GTF3C1: variants seen among roughly 807,000 people sequenced by gnomAD.
The protein encoded by GTF3C1 is general transcription factor IIIC subunit 1.
GTF3C1 carries 57 observed loss-of-function variants against 226.7 expected under a neutral mutation model. The ratio of observed to expected loss-of-function variants is 0.25; its 90% CI spans 0.20 to 0.31. The LOEUF is 0.31. GTF3C1 is among the 10% of genes least tolerant of loss of function. The probability of loss-of-function intolerance (pLI) is 1.00; values close to 1 mark genes in which losing one functional copy is unlikely to be tolerated. For missense variants in GTF3C1, 2,217 were observed against 2,776.1 expected (o/e 0.80, Z 4.53); for synonymous variants, 1,090 against 1,084.8 (o/e 1.00, Z -0.09).
At chr16:27,476,732 A>G (rs1199139424) in intron 28 of GTF3C1, among the ~76,000 whole-genome samples, 188 bp from the exon 29 acceptor site, 1 of 152,248 alleles carries the variant, frequency 6.6e-6, no homozygotes, top group Non-Finnish European at 1.5e-5. Flanking sequence ...GCAGGAGAAA[A>G]GTTTCTTTTA....
intron 7 of GTF3C1, among the ~76,000 whole-genome samples, chr16:27,509,931 T>C (rs1411064558): frequency 6.6e-6 from 1 of 151,880 alleles, no homozygotes; most frequent in Non-Finnish European, 1.5e-5. Context: ...CCTATACTGA[T>C]CTAGCAACAC....
intron 32 of GTF3C1, chr16:27,465,822 G>C (rs1251923913): frequency 2.2e-6 from 1 of 463,804 alleles, no homozygotes; most frequent in African/African-American, 2.0e-5. Flanking sequence ...GAAGGGCACA[G>C]AGGCCGAGGA....
Position 27,470,169 on chromosome 16 carries a change from T to C in GTF3C1, c.4753A>G (p.Arg1585Gly). The change falls in exon 31 of 37, where the codon AGG (arginine) becomes GGG (glycine). Residue 1585 changes from arginine (R) to glycine (G), a missense_variant. By Grantham distance (125) the Arg-to-Gly change is moderately radical. Coordinates refer to ENST00000356183, the MANE Select transcript of GTF3C1 (RefSeq NM_001520.4). This position sits in a 1 kb window ranked among gnomAD's most constrained non-coding sequence, Gnocchi z 4.9. ...ACCACGATGATCTGCTCCGGGATCCTGACATCCACAGAAATGAGGCCCAGA... is the reference window on the plus strand; with the variant it reads ...ACCACGATGATCTGCTCCGGGATCCCGACATCCACAGAAATGAGGCCCAGA... ...FSLGLISVDV[R>G]IPEQIIVVDS... The C allele has an allele frequency of 6.2e-7, 1 of 1,613,902 alleles. No homozygotes were observed.
At chr16:27,473,655 A>AGGGGACC (rs1201496844) in intron 29 of GTF3C1, among the ~76,000 whole-genome samples, 5 of 151,916 alleles carry the variant, frequency 3.3e-5, no homozygotes, top group South Asian at 2.1e-4. Context: ...GAGGGACACA[A>AGGGGACC]GGGGACCGGG....
Position 27,501,171 on chromosome 16 carries a change from T to C in GTF3C1, c.2061+20A>G. 6.2e-7 allele frequency: 1 copy of C among 1,602,502 alleles called. No homozygotes were observed. The highest frequency in any genetic ancestry group is 8.5e-7 in the Non-Finnish European group (1 of 1,170,504). ...AACAGCACGAGGCTGGCTCTGGGCA[T>C]CGGGGGAGGCCCTGGTTACCTTCTT... On this transcript the variant is annotated intron_variant, in intron 12 of 36. Transcript: ENST00000356183.
chr16:27,483,695 C>T (rs1596623543), intron 25 of GTF3C1, among the ~76,000 whole-genome samples: 1 of 152,196 alleles, frequency 6.6e-6, no homozygotes, highest in Non-Finnish European at 1.5e-5. Flanking sequence ...CCTGGTAAGG[C>T]AAGGGGACTC....
In GTF3C1 at chr16:27,479,602, G is replaced by A. The variant is rs62029077; in HGVS notation, c.4197-1071C>T. On this transcript the variant is annotated intron_variant, in intron 27 of 36. Transcript: ENST00000356183. ...TCCTGCTTCAGCCTCCCAAGTAGCT[G>A]GGATTACAGGCACGTGCCACCACGC... 7.1e-3 allele frequency among the ~76,000 whole-genome samples: 1,077 copies of A among 152,250 alleles called. 15 individuals are homozygous for A. Among genetic ancestry groups the A allele is most frequent in the African/African-American group, 0.024 (985 of 41,536 alleles).
intron 16 of GTF3C1, among the ~76,000 whole-genome samples, chr16:27,493,553 A>G (rs1322175293): frequency 6.6e-6 from 1 of 152,078 alleles, no homozygotes; most frequent in African/African-American, 2.4e-5. Flanking sequence ...AAATTGCTAA[A>G]CCTTTCCCGG....
chr16:27,536,438 A>G (rs2089001928), intron 4 of GTF3C1, among the ~76,000 whole-genome samples: 1 of 152,202 alleles, frequency 6.6e-6, no homozygotes, highest in South Asian at 2.1e-4. Flanking sequence ...CTCTACTAAA[A>G]ATACGAAAAT....
intron 16 of GTF3C1, among the ~76,000 whole-genome samples, chr16:27,494,229 G>A (rs1009515735): frequency 2.0e-5 from 3 of 151,878 alleles, no homozygotes; most frequent in Admixed American, 6.6e-5. Flanking sequence ...GCAAAACCCC[G>A]TCTCTATTAA....
intron 29 of GTF3C1, 94 bp from the exon 30 acceptor site, chr16:27,472,014 A>G: frequency 9.0e-7 from 1 of 1,111,386 alleles, no homozygotes; most frequent in Non-Finnish European, 1.3e-6. Flanking sequence ...CTGATGCTTT[A>G]TAGAGGAAGT....
rs1332583808 is a variant in GTF3C1, at chr16:27,497,497, A to C, written c.2350+140T>G. The C allele has an allele frequency of 7.6e-6, 5 of 659,706 alleles. No homozygotes were observed. In the African/African-American group the frequency reaches 9.1e-5, roughly 12 times the overall value. 40.9% of individuals were successfully genotyped at this position (659,706 alleles called of 1,614,324 possible). A position where few individuals can be genotyped will look rare whatever the true frequency, so the allele number is the denominator to read the frequency against. ...TGGAAGAAGTTATGCGGCCAGAGTA[A>C]CAGGATCCAGCCCACAGCTCAGACG... is the stretch of plus-strand genomic sequence containing the variant. On this transcript the variant is annotated intron_variant, in intron 14 of 36. Coordinates refer to ENST00000356183, the MANE Select transcript of GTF3C1 (RefSeq NM_001520.4).
At position 27,507,067 on chromosome 16, in the gene GTF3C1, T is replaced by C. The variant is rs768326044; in HGVS notation, c.1332A>G (p.Gln444=). 1 of 1,613,740 alleles carries C rather than the reference T, an allele frequency of 6.2e-7. No homozygotes were observed. The highest frequency in any genetic ancestry group is 1.3e-5 in the African/African-American group (1 of 74,992). ...AEESDLSRQY[Q]REKARSELLT... is the part of the protein sequence containing the mutation. ...AGAGCTCGCTGCGGGCCTTCTCTCTTTGGTACTGCCGGCTTAGGTCGCTCT... is the reference window on the plus strand; with the variant it reads ...AGAGCTCGCTGCGGGCCTTCTCTCTCTGGTACTGCCGGCTTAGGTCGCTCT... The change falls in exon 9 of 37, where the codon CAA becomes CAG. Residue 444 remains glutamine (Q), a synonymous_variant. Coordinates refer to ENST00000356183, the MANE Select transcript of GTF3C1 (RefSeq NM_001520.4). The surrounding 1 kb of genome is among the most constrained non-coding windows in gnomAD (Gnocchi z 4.9).
rs188498821 is a variant in GTF3C1, at chr16:27,470,753, C to T, written c.4527-358G>A. On this transcript the variant is annotated intron_variant, in intron 30 of 36. Transcript: ENST00000356183. This position sits in a 1 kb window ranked among gnomAD's most constrained non-coding sequence, Gnocchi z 4.9. ...ACACGCTTTCTGTAATAATAGTCTC[C>T]GCACAAAGCCAGCCCTGGTCTTACA... 4 of 256,766 alleles carry T rather than the reference C, an allele frequency of 1.6e-5. No individual in the cohort carries two copies. The highest frequency in any genetic ancestry group is 9.5e-5 in the East Asian group (1 of 10,514). 15.9% of individuals were successfully genotyped at this position (256,766 alleles called of 1,614,324 possible).
intron 19 of GTF3C1, among the ~76,000 whole-genome samples, chr16:27,490,474 A>G (rs2141377401): frequency 6.6e-6 from 1 of 152,292 alleles, no homozygotes; most frequent in East Asian, 1.9e-4. Flanking sequence ...CCTCACCCAC[A>G]GCAGCTGGAA....
chr16:27,548,465 C>T (rs2089200777), intron 1 of GTF3C1, among the ~76,000 whole-genome samples: 1 of 152,152 alleles, frequency 6.6e-6, no homozygotes, highest in Non-Finnish European at 1.5e-5. Flanking sequence ...TAGGGTTTCA[C>T]CACGTTGGTC....
At chr16:27,537,720 T>C (rs1251309235) in intron 4 of GTF3C1, 64 bp downstream of exon 4, 5 of 1,239,060 alleles carry the variant, frequency 4.0e-6, no homozygotes, top group Non-Finnish European at 4.6e-6. Context: ...CCCTACAATT[T>C]TTAAAGCATA....
Position 27,461,206 on chromosome 16 carries a change from G to A in GTF3C1, c.*144C>T, listed in dbSNP as rs961486431. Reference sequence around the variant, plus strand: ...TTCCAGTACAGTGGGAAACGTGTCAGTCTGTGACTCTGGCCAAAGCACCCG... The same window carrying A: ...TTCCAGTACAGTGGGAAACGTGTCAATCTGTGACTCTGGCCAAAGCACCCG... On this transcript the variant is annotated 3_prime_UTR_variant, in exon 37 of 37. Transcript: ENST00000356183. The surrounding 1 kb of genome is among the most constrained non-coding windows in gnomAD (Gnocchi z 5.3). The A allele has an allele frequency of 4.9e-6, 3 of 607,336 alleles. No homozygotes were observed. The highest frequency in any genetic ancestry group is 5.9e-5 in the Admixed American group (2 of 34,080). The allele number at this position is 607,336 out of a possible 1,614,324, so 37.6% of individuals were successfully genotyped here.
At chr16:27,523,747 A>G (rs1251788289) in intron 6 of GTF3C1, among the ~76,000 whole-genome samples, 1 of 152,200 alleles carries the variant, frequency 6.6e-6, no homozygotes, top group Non-Finnish European at 1.5e-5. Flanking sequence ...AAGAACTTAC[A>G]CAGATGAGTA....
Sources: gnomAD v4.1 joint callset for allele counts (sites outside exome capture counted in the v4.1 genomes callset) on GRCh38, gnomAD v4.1.1 for gene constraint, Gnocchi (gnomAD v3.1) non-coding constraint, MANE v1.5 for transcripts, NCBI Gene and HGNC (gene_info 2026-07-23, HGNC 2026-07-21) for gene names.